Variants in GTF2IRD2B observed in about 807,000 individuals in gnomAD.
GTF2IRD2B encodes the protein general transcription factor II-I repeat domain-containing protein 2B.
GTF2IRD2B carries 10 observed loss-of-function variants against 55.6 expected under a neutral mutation model. The ratio of observed to expected loss-of-function variants is 0.18; its 90% CI spans 0.11 to 0.31. GTF2IRD2B has a LOEUF of 0.31. Among genes scored for constraint, GTF2IRD2B ranks in the 10% least tolerant of loss-of-function variants. The probability of loss-of-function intolerance (pLI) is 1.00; values close to 1 mark genes in which losing one functional copy is unlikely to be tolerated. For missense variants in GTF2IRD2B, 206 were observed against 802.7 expected (o/e 0.26, Z 8.98); for synonymous variants, 107 against 320.5 (o/e 0.33, Z 7.12).
chr7:75,132,695 G>A (rs1334139118), intron 8 of GTF2IRD2B, among the ~76,000 whole-genome samples: 1 of 140,898 alleles, frequency 7.1e-6, no homozygotes, highest in Non-Finnish European at 1.5e-5. Flanking sequence ...GCTGGCTACA[G>A]GCGTCCGCCA....
intron 1 of GTF2IRD2B, among the ~76,000 whole-genome samples, chr7:75,102,124 T>A (rs1807590740): frequency 6.6e-6 from 1 of 150,774 alleles, no homozygotes; most frequent in African/African-American, 2.4e-5. Flanking sequence ...TGCCTCAGCC[T>A]CCCGAGTAGC....
In GTF2IRD2B at chr7:75,092,690, C is replaced by T. The variant is rs1403228115; in HGVS notation, c.-81C>T. The T allele has an allele frequency of 2.0e-5, 3 of 153,506 alleles. No homozygotes were observed. Among genetic ancestry groups the T allele is most frequent in the African/African-American group, 7.2e-5 (3 of 41,480 alleles). The allele number at this position is 153,506 out of a possible 1,614,324, so 9.5% of individuals were successfully genotyped here. ...CCCGCGCGGGGCTCCCGGCCGCCGC[C>T]CTCGGCCATCGGCTGCTCCCCGGTG... On this transcript the variant is annotated 5_prime_UTR_variant, in exon 1 of 16. Coordinates refer to ENST00000472837, the MANE Select transcript of GTF2IRD2B (RefSeq NM_001003795.3).
intron 3 of GTF2IRD2B, among the ~76,000 whole-genome samples, chr7:75,113,625 G>A (rs1371303233): frequency 2.0e-5 from 3 of 148,926 alleles, no homozygotes; most frequent in East Asian, 2.0e-4. Context: ...AGCGAGACCC[G>A]GTCTCAAGAC....
intron 1 of GTF2IRD2B, among the ~76,000 whole-genome samples, chr7:75,107,574 TAAAA>T (rs1371808086): frequency 4.5e-5 from 2 of 44,726 alleles, no homozygotes; most frequent in Admixed American, 3.0e-4. Flanking sequence ...GACTCTGTCT[TAAAA>T]AAAAAAAAGA....
chr7:75,137,190 G>A (rs1554534451), intron 11 of GTF2IRD2B, among the ~76,000 whole-genome samples: 2 of 148,230 alleles, frequency 1.3e-5, no homozygotes, highest in Admixed American at 6.7e-5. Flanking sequence ...GTGACAGAGC[G>A]AGATTCCATC....
chr7:75,115,364 T>C (rs1554451183), intron 3 of GTF2IRD2B, among the ~76,000 whole-genome samples: 1 of 151,186 alleles, frequency 6.6e-6, no homozygotes, highest in African/African-American at 2.4e-5. Flanking sequence ...CCTCCAAATT[T>C]GCTCTTCTTC....
At chr7:75,114,169 C>T (rs1257777877) in intron 3 of GTF2IRD2B, among the ~76,000 whole-genome samples, 3 of 150,506 alleles carry the variant, frequency 2.0e-5, no homozygotes, top group African/African-American at 2.4e-5. Context: ...CTTCCGAGAT[C>T]CCAAATTAAG....
At chr7:75,104,028 T>C (rs1415759201) in intron 1 of GTF2IRD2B, among the ~76,000 whole-genome samples, 3 of 146,394 alleles carry the variant, frequency 2.0e-5, no homozygotes, top group South Asian at 2.2e-4. Flanking sequence ...CACTCCAGTC[T>C]GGGCGACAGA....
chr7:75,149,161 G>C lies in GTF2IRD2B; in HGVS notation c.2714G>C (p.Cys905Ser). 1 of 662,258 alleles carries C rather than the reference G, an allele frequency of 1.5e-6. No individual in the cohort carries two copies. The allele number at this position is 662,258 out of a possible 1,614,324, so 41.0% of individuals were successfully genotyped here. ...WGSYPKYKHH[C>S]AKILSMFGST... ...AGCTACCCGAAATACAAGCACCATT[G>C]CGCAAAGATTCTTTCCATGTTCGGG... The change falls in exon 16 of 16, where the codon TGC becomes TCC. Residue 905 changes from cysteine to serine, a missense_variant. Physicochemically the swap from Cys to Ser is moderately radical, Grantham distance 112. Coordinates refer to ENST00000472837, the MANE Select transcript of GTF2IRD2B (RefSeq NM_001003795.3).
chr7:75,102,931 C>G (rs1554421814), intron 1 of GTF2IRD2B, among the ~76,000 whole-genome samples: 4 of 151,534 alleles, frequency 2.6e-5, no homozygotes, highest in African/African-American at 9.7e-5. Flanking sequence ...TTCACTCCAG[C>G]CTGGGCAACA....
intron 15 of GTF2IRD2B, chr7:75,147,053 C>T (rs1809166131): frequency 6.3e-6 from 1 of 159,136 alleles, no homozygotes; most frequent in Admixed American, 5.9e-5. Flanking sequence ...CACCTGAGCC[C>T]AGGGAGTTCC....
intron 3 of GTF2IRD2B, among the ~76,000 whole-genome samples, chr7:75,118,806 A>G (rs1347668258): frequency 6.7e-6 from 1 of 149,558 alleles, no homozygotes; most frequent in African/African-American, 2.5e-5. Flanking sequence ...TATTCACAAT[A>G]GCAAAGATGT....
At chr7:75,106,540 A>C (rs1328151465) in intron 1 of GTF2IRD2B, among the ~76,000 whole-genome samples, 3 of 129,264 alleles carry the variant, frequency 2.3e-5, no homozygotes, top group African/African-American at 8.6e-5. Flanking sequence ...CATTTCAAAA[A>C]GTTGTTTTTA....
chr7:75,099,915 C>T (rs1418468596), intron 1 of GTF2IRD2B, among the ~76,000 whole-genome samples: 4 of 126,702 alleles, frequency 3.2e-5, no homozygotes, highest in African/African-American at 6.0e-5. Context: ...GGGTTCAAGA[C>T]CAGCCTGACC....
At chr7:75,107,402 C>T (rs1363530613) in intron 1 of GTF2IRD2B, among the ~76,000 whole-genome samples, 6 of 150,476 alleles carry the variant, frequency 4.0e-5, no homozygotes, top group Non-Finnish European at 5.9e-5. Context: ...GGTGAAACCC[C>T]GTCTCTATTA....
At chr7:75,104,125 TC>T (rs1807682157) in intron 1 of GTF2IRD2B, among the ~76,000 whole-genome samples, 1 of 128,782 alleles carries the variant, frequency 7.8e-6, no homozygotes, top group Non-Finnish European at 1.6e-5. Context: ...CTGTGGCATC[TC>T]CCTTTTTTTG....
At position 75,123,250 on chromosome 7, in the gene GTF2IRD2B, A is replaced by C. The variant is rs782200678; in HGVS notation, c.473A>C (p.Glu158Ala). Reference sequence around the variant, plus strand: ...GAAGGCGTTGCCTTTCAACACCCTGAGAATTACGACCTTGCAACCCTGAAA... The same window carrying C: ...GAAGGCGTTGCCTTTCAACACCCTGCGAATTACGACCTTGCAACCCTGAAA... Reference protein sequence around the residue: ...LPEGVAFQHPENYDLATLKWI... With the variant: ...LPEGVAFQHPANYDLATLKWI... Residue 158 changes from glutamate to alanine, a missense_variant, in exon 5 of 16, where the codon GAG (glutamate) becomes GCG (alanine). By Grantham distance (107) the Glu-to-Ala change is moderately radical. Coordinates refer to ENST00000472837, the MANE Select transcript of GTF2IRD2B (RefSeq NM_001003795.3). The C allele has an allele frequency of 1.6e-4, 226 of 1,404,578 alleles. 5 individuals are homozygous for C. Among genetic ancestry groups the C allele is most frequent in the Non-Finnish European group, 1.8e-4 (191 of 1,036,888 alleles). 87.0% of individuals were successfully genotyped at this position (1,404,578 alleles called of 1,614,324 possible).
At chr7:75,121,544 T>C (rs1808366906) in intron 4 of GTF2IRD2B, among the ~76,000 whole-genome samples, 2 of 145,478 alleles carry the variant, frequency 1.4e-5, no homozygotes, top group South Asian at 4.3e-4. Context: ...CTGTAAACTC[T>C]GCCTCCTGGG....
intron 13 of GTF2IRD2B, among the ~76,000 whole-genome samples, chr7:75,142,159 GTTGTT>G (rs1220417686): frequency 2.6e-5 from 4 of 151,992 alleles, no homozygotes; most frequent in Non-Finnish European, 4.4e-5. Context: ...TTTTTAATTT[GTTGTT>G]TTGTTTTGTG....
Sources: gnomAD v4.1 joint callset for allele counts (sites outside exome capture counted in the v4.1 genomes callset) on GRCh38, gnomAD v4.1.1 for gene constraint, MANE v1.5 for transcripts, NCBI Gene and HGNC (gene_info 2026-07-23, HGNC 2026-07-21) for gene names.